Variants in KCNH7 observed in about 807,000 individuals in gnomAD.
KCNH7 encodes the protein potassium voltage-gated channel subfamily H member 7, also known as voltage-gated inwardly rectifying potassium channel KCNH7.
A neutral mutation model predicts 120.8 loss-of-function variants in KCNH7; 49 were observed. The observed-to-expected ratio is 0.41, with a 90% CI of 0.32 to 0.51. The LOEUF is 0.51. KCNH7 is among the 20% of genes least tolerant of loss of function. The pLI is 0.38. For missense variants in KCNH7, 1,097 were observed against 1,446.6 expected, an observed-to-expected ratio of 0.76 and a Z score of 3.92; for synonymous variants, 547 against 516.1, an observed-to-expected ratio of 1.06 and a Z score of -0.81.
chr2:162,446,289 G>GAGTAGGGAGTAAATATAGCAGTGT lies in KCNH7; in HGVS notation c.1259_1282dup (p.Tyr420_Tyr427dup), dbSNP rs1368076651. Reference sequence around the variant, plus strand: ...TCTGTCATTGAGGAGGAAGGCTGCAGAGTAGGGAGTAAATATAGCAGTGTA... The same window carrying GAGTAGGGAGTAAATATAGCAGTGT: ...TCTGTCATTGAGGAGGAAGGCTGCAGAGTAGGGAGTAAATATAGCAGTGTAGTAGGGAGTAAATATAGCAGTGTA... On this transcript the variant is annotated inframe_insertion, in exon 7 of 16. Transcript: ENST00000332142. 1 of 1,613,946 alleles carries GAGTAGGGAGTAAATATAGCAGTGT rather than the reference G, an allele frequency of 6.2e-7. No homozygotes were observed. Among genetic ancestry groups the GAGTAGGGAGTAAATATAGCAGTGT allele is most frequent in the Admixed American group, 1.7e-5 (1 of 59,972 alleles).
intron 2 of KCNH7, among the ~76,000 whole-genome samples, chr2:162,670,400 G>A (rs769471054): frequency 6.1e-5 from 9 of 147,358 alleles, no homozygotes; most frequent in South Asian, 2.1e-4. Flanking sequence ...CTTAAACCCG[G>A]GAGGTGGAGT....
chr2:162,479,090 C>G (rs1257598774), intron 6 of KCNH7, among the ~76,000 whole-genome samples: 1 of 150,308 alleles, frequency 6.7e-6, no homozygotes, highest in African/African-American at 2.5e-5. Flanking sequence ...GTGGGAATGA[C>G]TCAATTATTG....
intron 2 of KCNH7, among the ~76,000 whole-genome samples, chr2:162,630,468 T>TA (rs902833633): frequency 6.6e-6 from 1 of 150,440 alleles, no homozygotes; most frequent in Admixed American, 6.6e-5. Flanking sequence ...AAACTAACAT[T>TA]AAAAAAAGAC....
chr2:162,609,660 G>C (rs1485168186), intron 2 of KCNH7, among the ~76,000 whole-genome samples: 1 of 152,160 alleles, frequency 6.6e-6, no homozygotes, highest in Non-Finnish European at 1.5e-5. Context: ...ATGAAGTTAA[G>C]GCAAACTTCT....
Position 162,513,571 on chromosome 2 carries a change from G to A in KCNH7, c.893-897C>T, listed in dbSNP as rs114138518. Among the ~76,000 whole-genome samples the A allele has an allele frequency of 2.6e-3, 388 of 149,212 alleles. 2 individuals are homozygous for A. Among genetic ancestry groups the A allele is most frequent in the African/African-American group, 9.0e-3 (365 of 40,696 alleles). On this transcript the variant is annotated intron_variant, in intron 4 of 15. Transcript: ENST00000332142. Reference sequence around the variant, plus strand: ...TGGCTATATCTCTCTGGATGGACTTGAACTTCTAGGCTCAAGAATCCTCGT... The same window carrying A: ...TGGCTATATCTCTCTGGATGGACTTAAACTTCTAGGCTCAAGAATCCTCGT...
At chr2:162,549,113 A>G (rs972831376) in intron 2 of KCNH7, among the ~76,000 whole-genome samples, 3 of 152,060 alleles carry the variant, frequency 2.0e-5, no homozygotes, top group Non-Finnish European at 4.4e-5. Context: ...CTAGTTCTGA[A>G]CTTTTACCGA....
chr2:162,796,874 T>A (rs539552874), intron 2 of KCNH7: 1 of 152,020 alleles, frequency 6.6e-6, no homozygotes, highest in Admixed American at 6.6e-5. Flanking sequence ...CCCTTTTTTG[T>A]GTAATGTTGC....
At chr2:162,774,438 T>C (rs1683164113) in intron 2 of KCNH7, among the ~76,000 whole-genome samples, 2 of 152,190 alleles carry the variant, frequency 1.3e-5, no homozygotes, top group Admixed American at 1.3e-4. Flanking sequence ...AATTTCATTC[T>C]GGGAGTGGGA....
intron 2 of KCNH7, among the ~76,000 whole-genome samples, chr2:162,685,313 C>A (rs1012885589): frequency 7.2e-5 from 11 of 151,928 alleles, no homozygotes; most frequent in Non-Finnish European, 1.6e-4. Flanking sequence ...CCTGCACGTT[C>A]TGGACATGTA....
At chr2:162,738,525 C>T (rs1342723529) in intron 2 of KCNH7, among the ~76,000 whole-genome samples, 1 of 152,160 alleles carries the variant, frequency 6.6e-6, no homozygotes, top group African/African-American at 2.4e-5. Flanking sequence ...GGAGGTACAG[C>T]TTCATATTGA....
chr2:162,680,693 G>C (rs1159136838), intron 2 of KCNH7, among the ~76,000 whole-genome samples: 3 of 151,652 alleles, frequency 2.0e-5, no homozygotes, highest in Non-Finnish European at 3.0e-5. Flanking sequence ...CTGGAGTCAG[G>C]GTCTTGGGTT....
intron 2 of KCNH7, among the ~76,000 whole-genome samples, chr2:162,611,046 T>C (rs954051792): frequency 6.6e-6 from 1 of 152,062 alleles, no homozygotes; most frequent in African/African-American, 2.4e-5. Flanking sequence ...TGAGAGTAAA[T>C]TTATAGGCAC....
At chr2:162,503,611 A>G (rs1347934829) in intron 6 of KCNH7, among the ~76,000 whole-genome samples, 5 of 152,108 alleles carry the variant, frequency 3.3e-5, no homozygotes, top group African/African-American at 1.2e-4. Flanking sequence ...GATTACAATT[A>G]CAGAAAAACT....
chr2:162,601,399 CTTTTTTTTTTTT>C (rs60201823), intron 2 of KCNH7, among the ~76,000 whole-genome samples: 2 of 9,602 alleles, frequency 2.1e-4, no homozygotes, highest in Admixed American at 2.1e-3. Context: ...ACTTCTTGTG[CTTTTTTTTTTTT>C]TTTTTTTTTT....
At chr2:162,645,371 C>T (rs1684321140) in intron 2 of KCNH7, among the ~76,000 whole-genome samples, 1 of 152,126 alleles carries the variant, frequency 6.6e-6, no homozygotes, top group Non-Finnish European at 1.5e-5. Flanking sequence ...TGATCTCCAT[C>T]TTTTGACCTT....
At chr2:162,675,082 G>T (rs982086914) in intron 2 of KCNH7, among the ~76,000 whole-genome samples, 2 of 151,322 alleles carry the variant, frequency 1.3e-5, no homozygotes, top group Non-Finnish European at 3.0e-5. Context: ...ACAATAAACA[G>T]CCTAATAAAA....
intron 5 of KCNH7, among the ~76,000 whole-genome samples, chr2:162,510,840 A>G (rs999067132): frequency 2.3e-4 from 35 of 151,860 alleles, no homozygotes; most frequent in African/African-American, 8.4e-4. Context: ...GCAGACACTT[A>G]AACATTGTTA....
chr2:162,820,452 G>A (rs573801363), intron 2 of KCNH7, among the ~76,000 whole-genome samples: 7 of 152,212 alleles, frequency 4.6e-5, no homozygotes, highest in African/African-American at 1.7e-4. Context: ...GCAATTAGGT[G>A]TGAAAGGTAT....
intron 12 of KCNH7, among the ~76,000 whole-genome samples, chr2:162,389,852 G>A (rs905467130): frequency 6.6e-6 from 1 of 152,024 alleles, no homozygotes; most frequent in African/African-American, 2.4e-5. Context: ...GAAAATTGAA[G>A]AGGGAAAGTA....
Sources: gnomAD v4.1 joint callset for allele counts (sites outside exome capture counted in the v4.1 genomes callset) on GRCh38, gnomAD v4.1.1 for gene constraint, MANE v1.5 for transcripts, NCBI Gene and HGNC (gene_info 2026-07-23, HGNC 2026-07-21) for gene names.